SDK2: variants seen among roughly 807,000 people sequenced by gnomAD.
SDK2 encodes sidekick cell adhesion molecule 2.
A neutral mutation model predicts 253.9 loss-of-function variants in SDK2; 105 were observed. The ratio of observed to expected loss-of-function variants is 0.41; its 90% CI spans 0.35 to 0.49. The LOEUF (loss-of-function observed/expected upper bound fraction) is 0.49, where lower values mean the gene tolerates loss of function less well. Ranked by LOEUF, SDK2 falls within the 20% of genes least tolerant of loss-of-function variation. The pLI, the probability that SDK2 is intolerant of heterozygous loss-of-function variation, is 0.06. For synonymous variants in SDK2, 1,249 were observed against 1,234.9 expected (o/e 1.01, Z -0.24); for missense variants, 2,608 against 3,003.0 (o/e 0.87, Z 3.07).
At chr17:73,377,832 G>A (rs1041946847) in intron 36 of SDK2, among the ~76,000 whole-genome samples, 2 of 151,848 alleles carry the variant, frequency 1.3e-5, no homozygotes, top group South Asian at 4.2e-4. Flanking sequence ...GGCTGGTCTC[G>A]AACTCCCGAC....
At chr17:73,527,711 G>C (rs2064137009) in intron 1 of SDK2, among the ~76,000 whole-genome samples, 1 of 152,230 alleles carries the variant, frequency 6.6e-6, no homozygotes, top group African/African-American at 2.4e-5. Context: ...AAGGAGGTAG[G>C]TGTGCCGGCT....
In SDK2 at chr17:73,350,696, G is replaced by T; in HGVS notation, c.5853C>A (p.Leu1951=). Residue 1951 remains leucine, a synonymous_variant, in exon 42 of 45, where the codon CTC becomes CTA. Transcript: ENST00000392650. ...ACTTCTTGCTCTGGCCCCGGATGAT[G>T]AGCACGAAGACCAGAAGCAGGATGA... The part of the protein sequence containing the change: ...LIFILLLVFV[L]IIRGQSKKYA... 1 of 1,613,700 alleles carries T rather than the reference G, an allele frequency of 6.2e-7. No homozygotes were observed. The highest frequency in any genetic ancestry group is 1.1e-5 in the South Asian group (1 of 91,034).
chr17:73,407,697 A>C (rs1178727635), intron 18 of SDK2, among the ~76,000 whole-genome samples: 1 of 152,158 alleles, frequency 6.6e-6, no homozygotes, highest in African/African-American at 2.4e-5. Flanking sequence ...TCATCCTCCC[A>C]AAGTGTTGGG....
Position 73,435,668 on chromosome 17 carries a change from C to T in SDK2, c.1001-24G>A, listed in dbSNP as rs115209277. 1.0e-3 allele frequency: 1,533 copies of T among 1,522,436 alleles called. 12 individuals carry two copies. In the African/African-American group the frequency reaches 0.018, roughly 18 times the overall value. 94.3% of individuals were successfully genotyped at this position (1,522,436 alleles called of 1,614,324 possible). A position where few individuals can be genotyped will look rare whatever the true frequency, so the allele number is the denominator to read the frequency against. On this transcript the variant is annotated intron_variant, in intron 8 of 44. Transcript: ENST00000392650. This position sits in a 1 kb window ranked among gnomAD's most constrained non-coding sequence, Gnocchi z 5.7. ...ACCTGTGGGCAAGACGTGGGCCCACCGTCAACCTGCCTCCTGCCTCCTCTC... is the reference window on the plus strand; with the variant it reads ...ACCTGTGGGCAAGACGTGGGCCCACTGTCAACCTGCCTCCTGCCTCCTCTC...
chr17:73,589,309 C>T (rs2045649821), intron 1 of SDK2, among the ~76,000 whole-genome samples: 1 of 152,244 alleles, frequency 6.6e-6, no homozygotes, highest in Admixed American at 6.5e-5. Flanking sequence ...TCTAGTCCCT[C>T]CCAAGGTGCA....
intron 1 of SDK2, among the ~76,000 whole-genome samples, chr17:73,539,801 G>A (rs887466105): frequency 3.5e-5 from 4 of 113,826 alleles, no homozygotes; most frequent in East Asian, 2.6e-4. Context: ...AAGAGAGAAC[G>A]TGGGCAGAGA....
At chr17:73,624,585 T>C (rs926764492) in intron 1 of SDK2, among the ~76,000 whole-genome samples, 3 of 152,240 alleles carry the variant, frequency 2.0e-5, no homozygotes, top group Admixed American at 2.0e-4. Flanking sequence ...TGAACTCTAG[T>C]GCTTCCCAGA....
At chr17:73,438,948 A>G (rs1359650083) in intron 6 of SDK2, among the ~76,000 whole-genome samples, 2 of 152,098 alleles carry the variant, frequency 1.3e-5, no homozygotes, top group Non-Finnish European at 2.9e-5. Flanking sequence ...TTCTTCATCG[A>G]GGGGCTTCTC....
At chr17:73,366,178 G>A (rs1426525196) in intron 37 of SDK2, among the ~76,000 whole-genome samples, 2 of 152,180 alleles carry the variant, frequency 1.3e-5, no homozygotes, top group African/African-American at 2.4e-5. Flanking sequence ...CAGAGTCAGC[G>A]AGTGTCTTTG....
chr17:73,504,742 GAA>G (rs2063921913), intron 2 of SDK2, among the ~76,000 whole-genome samples: 1 of 150,926 alleles, frequency 6.6e-6, no homozygotes, highest in Non-Finnish European at 1.5e-5. Flanking sequence ...TTCAAAAGGG[GAA>G]ATATTCCCGT....
At chr17:73,580,861 C>A (rs2045525023) in intron 1 of SDK2, among the ~76,000 whole-genome samples, 1 of 152,148 alleles carries the variant, frequency 6.6e-6, no homozygotes, top group African/African-American at 2.4e-5. Flanking sequence ...AAATTGTGAG[C>A]ACTGACATGA....
intron 14 of SDK2, 93 bp from the exon 15 acceptor site, chr17:73,422,527 G>T: frequency 6.9e-7 from 1 of 1,439,072 alleles, no homozygotes. Context: ...CAGCTTCACT[G>T]GGGCTGGCAA....
intron 9 of SDK2, 78 bp from the exon 10 acceptor site, chr17:73,433,926 C>A (rs1217322494): frequency 2.0e-6 from 2 of 1,001,182 alleles, no homozygotes; most frequent in South Asian, 1.7e-5. Flanking sequence ...GGCCTCCAAG[C>A]CCACCGAGGG....
chr17:73,570,901 C>T lies in SDK2; in HGVS notation c.65-63304G>A, dbSNP rs2045376344. Among the ~76,000 whole-genome samples the T allele has an allele frequency of 6.6e-6, 1 of 152,148 alleles. No homozygotes were observed. The highest frequency in any genetic ancestry group is 1.5e-5 in the Non-Finnish European group (1 of 68,020). On this transcript the variant is annotated intron_variant, in intron 1 of 44. Coordinates refer to ENST00000392650, the MANE Select transcript of SDK2 (RefSeq NM_001144952.2). The surrounding 1 kb of genome is among the most constrained non-coding windows in gnomAD (Gnocchi z 4.2). ...CTCTGTGCCCCCTTTAGGGTCTCTG[C>T]TCCCCTATTCCTCCTCAGCCCACAG... is the stretch of plus-strand genomic sequence containing the variant.
intron 1 of SDK2, among the ~76,000 whole-genome samples, chr17:73,557,094 C>A (rs2145845504): frequency 6.6e-6 from 1 of 152,352 alleles, no homozygotes; most frequent in African/African-American, 2.4e-5. Context: ...CTGTATAAAA[C>A]CGAGCAAATC....
chr17:73,445,596 G>A (rs544032433), intron 5 of SDK2, among the ~76,000 whole-genome samples: 25 of 152,126 alleles, frequency 1.6e-4, no homozygotes, highest in South Asian at 4.1e-4. Flanking sequence ...TGGAGGAAGC[G>A]GTGCGGAGGG....
intron 18 of SDK2, among the ~76,000 whole-genome samples, chr17:73,411,117 C>A (rs181038098): frequency 6.6e-6 from 1 of 152,238 alleles, no homozygotes; most frequent in East Asian, 1.9e-4. Flanking sequence ...GCGAGTGCTC[C>A]AAGAATTCAG....
At chr17:73,444,760 C>T (rs780455713) in intron 5 of SDK2, among the ~76,000 whole-genome samples, 4 of 152,194 alleles carry the variant, frequency 2.6e-5, no homozygotes, top group African/African-American at 9.7e-5. Context: ...CCATGGGACT[C>T]GCCTGGGCCA....
chr17:73,348,978 C>A (rs9906379), intron 43 of SDK2, among the ~76,000 whole-genome samples: 13 of 152,224 alleles, frequency 8.5e-5, no homozygotes, highest in African/African-American at 3.1e-4. Context: ...GGGATGTCAC[C>A]GTGGCTGGGT....
Sources: gnomAD v4.1 joint callset for allele counts (sites outside exome capture counted in the v4.1 genomes callset) on GRCh38, gnomAD v4.1.1 for gene constraint, Gnocchi (gnomAD v3.1) non-coding constraint, MANE v1.5 for transcripts, NCBI Gene and HGNC (gene_info 2026-07-23, HGNC 2026-07-21) for gene names.